Variants in EPHA6 observed in about 807,000 individuals in gnomAD.
The protein encoded by EPHA6 is EPH receptor A6.
A neutral mutation model predicts 112.0 loss-of-function variants in EPHA6; 50 were observed. The ratio of observed to expected loss-of-function variants is 0.45; its 90% confidence interval spans 0.36 to 0.56. EPHA6 has a LOEUF of 0.56. EPHA6 is among the 20% of genes least tolerant of loss of function. The probability of loss-of-function intolerance (pLI) is 0.00; values close to 1 mark genes in which losing one functional copy is unlikely to be tolerated. For missense variants in EPHA6, 1,280 were observed against 1,417.4 expected (o/e 0.90, Z 1.56); for synonymous variants, 529 against 490.7 (o/e 1.08, Z -1.03).
Position 96,890,009 on chromosome 3 carries a change from A to G in EPHA6, c.450+23120A>G, listed in dbSNP as rs779343777. ...TATTGACCTCTTATACCTTATACAC[A>G]AAAGTCAATGCCAAATGAACTAGAG... On this transcript the variant is annotated intron_variant, in intron 2 of 17. Coordinates refer to ENST00000389672, the MANE Select transcript of EPHA6 (RefSeq NM_001080448.3). Among the ~76,000 whole-genome samples the G allele has an allele frequency of 9.2e-5, 14 of 152,248 alleles. No individual in the cohort carries two copies. The South Asian group carries it at 1.5e-3, about 16-fold the overall frequency.
intron 5 of EPHA6, among the ~76,000 whole-genome samples, chr3:97,280,281 G>A (rs1357795702): frequency 6.6e-6 from 1 of 152,212 alleles, no homozygotes; most frequent in African/African-American, 2.4e-5. Flanking sequence ...ATTGATAATA[G>A]TGTTCTCCTT....
At chr3:96,837,792 T>C (rs2034505638) in intron 1 of EPHA6, among the ~76,000 whole-genome samples, 1 of 152,116 alleles carries the variant, frequency 6.6e-6, no homozygotes, top group Non-Finnish European at 1.5e-5. Flanking sequence ...ATCTTTTTAT[T>C]TGAGAATTAA....
chr3:97,245,508 A>C (rs2108585141), intron 5 of EPHA6, among the ~76,000 whole-genome samples: 1 of 152,124 alleles, frequency 6.6e-6, no homozygotes, highest in Non-Finnish European at 1.5e-5. Context: ...AGCATAATAT[A>C]CACAATGGCA....
chr3:96,880,642 A>G (rs2037257279), intron 2 of EPHA6, among the ~76,000 whole-genome samples: 1 of 152,104 alleles, frequency 6.6e-6, no homozygotes, highest in East Asian at 1.9e-4. Flanking sequence ...TTTAGAGTGA[A>G]AATATTTCAT....
intron 14 of EPHA6, among the ~76,000 whole-genome samples, chr3:97,700,374 C>A (rs1007656855): frequency 6.6e-6 from 1 of 152,216 alleles, no homozygotes. Context: ...CCAGATACCA[C>A]ATTCTTCAGG....
intron 2 of EPHA6, among the ~76,000 whole-genome samples, chr3:96,926,940 G>A (rs892127612): frequency 1.3e-5 from 2 of 152,216 alleles, no homozygotes; most frequent in Admixed American, 1.3e-4. Context: ...TAGGGACTCT[G>A]TGTGGGGGCG....
intron 14 of EPHA6, among the ~76,000 whole-genome samples, chr3:97,714,562 T>TA (rs780907053): frequency 6.6e-6 from 1 of 152,200 alleles, no homozygotes; most frequent in Non-Finnish European, 1.5e-5. Flanking sequence ...CGTTTTACAC[T>TA]ATAAAATAAT....
At chr3:97,692,812 T>C (rs916438866) in intron 14 of EPHA6, among the ~76,000 whole-genome samples, 1 of 152,214 alleles carries the variant, frequency 6.6e-6, no homozygotes, top group Admixed American at 6.5e-5. Flanking sequence ...AAAATACATA[T>C]GGGCAGTTTC....
intron 3 of EPHA6, among the ~76,000 whole-genome samples, chr3:97,125,041 A>C (rs992389758): frequency 2.0e-5 from 3 of 152,184 alleles, no homozygotes; most frequent in Admixed American, 2.0e-4. Flanking sequence ...ACCTCATAGG[A>C]AAAAGTCAAG....
chr3:97,557,885 T>A (rs1423147653), intron 11 of EPHA6, among the ~76,000 whole-genome samples: 1 of 151,906 alleles, frequency 6.6e-6, no homozygotes, highest in African/African-American at 2.4e-5. Flanking sequence ...TATAATCCCT[T>A]AAGAATTCTC....
chr3:97,342,880 AC>A (rs1358100179), intron 5 of EPHA6, among the ~76,000 whole-genome samples: 2 of 152,184 alleles, frequency 1.3e-5, no homozygotes, highest in East Asian at 3.9e-4. Flanking sequence ...TGTTTAAGCC[AC>A]CCAGTATATA....
At chr3:97,519,753 C>T (rs2092506946) in intron 10 of EPHA6, among the ~76,000 whole-genome samples, 1 of 151,796 alleles carries the variant, frequency 6.6e-6, no homozygotes, top group South Asian at 2.1e-4. Flanking sequence ...TTTGAAATTA[C>T]ATTTCCTTGT....
chr3:96,866,874 A>C lies in EPHA6; in HGVS notation c.435A>C (p.Thr145=). ...TACTGGGAGAGCTAGGATGGAAAAC[A>C]TATCCATTAAATGGGGTAAGTTTAA... ...TTVLGELGWK[T]YPLNGWDAIT... Residue 145 remains threonine, a synonymous_variant, in exon 2 of 18, where the codon ACA becomes ACC. Coordinates refer to ENST00000389672, the MANE Select transcript of EPHA6 (RefSeq NM_001080448.3). 6.8e-7 allele frequency: 1 copy of C among 1,478,638 alleles called. No homozygotes were observed. Among genetic ancestry groups the C allele is most frequent in the Admixed American group, 2.2e-5 (1 of 44,494 alleles). The allele number at this position is 1,478,638 out of a possible 1,614,324, so 91.6% of individuals were successfully genotyped here.
intron 13 of EPHA6, among the ~76,000 whole-genome samples, chr3:97,635,747 C>T (rs767499819): frequency 6.6e-6 from 1 of 151,784 alleles, no homozygotes; most frequent in Non-Finnish European, 1.5e-5. Context: ...TGTACAACTC[C>T]GTGAATAAGG....
At chr3:97,038,114 T>A (rs2045176265) in intron 3 of EPHA6, among the ~76,000 whole-genome samples, 1 of 152,042 alleles carries the variant, frequency 6.6e-6, no homozygotes, top group African/African-American at 2.4e-5. Flanking sequence ...TCAGAGTAAT[T>A]GGGATATCCT....
rs545004576 is a variant in EPHA6 at position 97,449,779 on chromosome 3, A to G, written c.1894+1049A>G. Reference sequence around the variant, plus strand: ...GTTAGCTACTCCACCATCCTACTAAATCTTATCATTTGTATTATTATGAAG... The same window carrying G: ...GTTAGCTACTCCACCATCCTACTAAGTCTTATCATTTGTATTATTATGAAG... On this transcript the variant is annotated intron_variant, in intron 7 of 17. Coordinates refer to ENST00000389672, the MANE Select transcript of EPHA6 (RefSeq NM_001080448.3). Among the ~76,000 whole-genome samples the G allele has an allele frequency of 5.3e-5, 8 of 152,174 alleles. No homozygotes were observed. The South Asian group carries it at 1.5e-3, about 28-fold the overall frequency.
At chr3:97,071,127 G>A (rs2046340680) in intron 3 of EPHA6, among the ~76,000 whole-genome samples, 2 of 151,814 alleles carry the variant, frequency 1.3e-5, no homozygotes, top group African/African-American at 4.8e-5. Context: ...CCAATGTCAT[G>A]GTTTTTCACA....
chr3:97,443,901 A>G (rs1484874551), intron 6 of EPHA6, among the ~76,000 whole-genome samples: 1 of 152,184 alleles, frequency 6.6e-6, no homozygotes, highest in Non-Finnish European at 1.5e-5. Context: ...ATCCATAGAC[A>G]TATATACTCT....
At chr3:97,085,964 G>C (rs2046887732) in intron 3 of EPHA6, among the ~76,000 whole-genome samples, 1 of 112,400 alleles carries the variant, frequency 8.9e-6, no homozygotes, top group Admixed American at 8.8e-5. Flanking sequence ...CTGAGATGGA[G>C]TCTCTTGTCA....
Sources: allele counts gnomAD v4.1 joint callset (sites outside exome capture counted in the v4.1 genomes callset), GRCh38; gene constraint gnomAD v4.1.1; transcripts MANE v1.5; gene names NCBI Gene and HGNC (gene_info 2026-07-23, HGNC 2026-07-21).